Variants in MACF1 observed in about 807,000 individuals in gnomAD.
The protein encoded by MACF1 is microtubule actin crosslinking factor 1.
MACF1 carries 193 observed loss-of-function variants against 854.8 expected under a neutral mutation model. The observed-to-expected ratio is 0.23, with a 90% CI of 0.20 to 0.25. The LOEUF is 0.25. MACF1 is among the 10% of genes least tolerant of loss of function. The pLI, the probability that MACF1 is intolerant of heterozygous loss-of-function variation, is 1.00. For missense variants in MACF1, 7,722 were observed against 8,929.1 expected, an observed-to-expected ratio of 0.86 and a Z score of 5.45; for synonymous variants, 3,185 against 3,226.7, an observed-to-expected ratio of 0.99 and a Z score of 0.44.
chr1:39,404,275 A>T (rs1176975232), intron 58 of MACF1, among the ~76,000 whole-genome samples: 1 of 151,984 alleles, frequency 6.6e-6, no homozygotes, highest in Non-Finnish European at 1.5e-5. Flanking sequence ...GCATCACTTA[A>T]GCTCAGACAA....
chr1:39,268,457 G>T, intron 6 of MACF1: 1 of 1,102,826 alleles, frequency 9.1e-7, no homozygotes, highest in Non-Finnish European at 1.1e-6. Context: ...TTTCTGAACT[G>T]CAGTGAGATG....
intron 44 of MACF1, among the ~76,000 whole-genome samples, chr1:39,355,109 C>G (rs1274712208): frequency 6.6e-6 from 1 of 152,128 alleles, no homozygotes; most frequent in African/African-American, 2.4e-5. Flanking sequence ...TGTTCAGTGG[C>G]CTTTGTGGAC....
Position 39,334,706 on chromosome 1 carries a change from A to T in MACF1, c.8118A>T (p.Ser2706=), listed in dbSNP as rs144923218. Residue 2706 remains serine, a synonymous_variant, in exon 37 of 101, where the codon TCA becomes TCT. Coordinates refer to ENST00000564288, the MANE Select transcript of MACF1 (RefSeq NM_001394062.1). ...TATGKRLTLA[S]ALEEKLVDEN... ...CTGGAAAAAGACTGACATTGGCATC[A>T]GCTTTGGAAGAGAAACTGGTGGATG... 6.2e-7 allele frequency: 1 copy of T among 1,614,144 alleles called. No homozygotes were observed. The highest frequency in any genetic ancestry group is 1.7e-5 in the Admixed American group (1 of 60,016).
intron 2 of MACF1, among the ~76,000 whole-genome samples, chr1:39,236,575 C>G (rs939431097): frequency 2.6e-5 from 4 of 152,186 alleles, no homozygotes; most frequent in Non-Finnish European, 1.5e-5. Context: ...GCTATATTAT[C>G]ACTGGAGGGC....
chr1:39,274,435 A>G (rs1393904270), intron 6 of MACF1, among the ~76,000 whole-genome samples: 1 of 152,180 alleles, frequency 6.6e-6, no homozygotes, highest in Non-Finnish European at 1.5e-5. Context: ...TGTAATGAAC[A>G]TGTACAGACT....
At chr1:39,294,977 C>A in intron 18 of MACF1, 69 bp from the exon 19 acceptor site, 2 of 1,159,446 alleles carry the variant, frequency 1.7e-6, no homozygotes, top group South Asian at 1.3e-5. Flanking sequence ...GGGAACACAG[C>A]TTTTATTTAT....
chr1:39,336,245 T>C lies in MACF1; in HGVS notation c.9657T>C (p.Asp3219=). The C allele has an allele frequency of 6.2e-7, 1 of 1,614,082 alleles. No homozygotes were observed. The highest frequency in any genetic ancestry group is 8.5e-7 in the Non-Finnish European group (1 of 1,180,012). ...ATCATCAGGGCAGCAAAAGTGATGA[T>C]AAACTTTGTGGAACTCTCAAATCTG... ...DLHHQGSKSD[D]KLCGTLKSEI... The change falls in exon 37 of 101, where the codon GAT becomes GAC. Residue 3219 remains aspartate, a synonymous_variant. Coordinates refer to ENST00000564288, the MANE Select transcript of MACF1 (RefSeq NM_001394062.1).
chr1:39,179,303 A>G (rs182924141), intron 2 of MACF1, among the ~76,000 whole-genome samples: 1 of 152,158 alleles, frequency 6.6e-6, no homozygotes, highest in East Asian at 1.9e-4. Context: ...GGTGGGACTT[A>G]GCTGCCCTTC....
intron 66 of MACF1, among the ~76,000 whole-genome samples, chr1:39,431,678 A>G (rs1192783885): frequency 6.6e-6 from 1 of 152,182 alleles, no homozygotes; most frequent in Non-Finnish European, 1.5e-5. Context: ...GAGATAAAAG[A>G]CTGGAGAGGT....
At position 39,331,791 on chromosome 1, in the gene MACF1, G is replaced by C. The variant is rs1257619121; in HGVS notation, c.5203G>C (p.Gly1735Arg). ...ATTACTGCCTGTCAAACAATTGGCA[G>C]GGGGGATGGTGAGCTTGAAATCAGG... ...FKLLPVKQLAGGMVSLKSGRK... is the reference protein window; with the variant it reads ...FKLLPVKQLARGMVSLKSGRK... Residue 1735 changes from glycine to arginine, a missense_variant, in exon 37 of 101, where the codon GGG (glycine) becomes CGG (arginine). By Grantham distance (125) the Gly-to-Arg change is moderately radical. Coordinates refer to ENST00000564288, the MANE Select transcript of MACF1 (RefSeq NM_001394062.1). 6.2e-7 allele frequency: 1 copy of C among 1,614,126 alleles called. No homozygotes were observed. Among genetic ancestry groups the C allele is most frequent in the Admixed American group, 1.7e-5 (1 of 60,004 alleles).
At chr1:39,277,022 C>T (rs1219730333) in intron 6 of MACF1, among the ~76,000 whole-genome samples, 1 of 151,890 alleles carries the variant, frequency 6.6e-6, no homozygotes, top group Non-Finnish European at 1.5e-5. Context: ...GGAATATAAT[C>T]TCCTAATTTG....
chr1:39,228,346 T>C (rs754308373), intron 1 of MACF1, among the ~76,000 whole-genome samples: 6 of 152,060 alleles, frequency 3.9e-5, no homozygotes, highest in Non-Finnish European at 8.8e-5. Context: ...ACGAGGTGGA[T>C]TTTAAAGAAT....
chr1:39,325,684 C>A (rs952884399), intron 35 of MACF1, among the ~76,000 whole-genome samples: 1 of 152,078 alleles, frequency 6.6e-6, no homozygotes. Context: ...TTGGGACCAC[C>A]TTTTTTCTGA....
At chr1:39,413,987 C>T in intron 58 of MACF1, 1 of 1,607,672 alleles carries the variant, frequency 6.2e-7, no homozygotes. Context: ...CCAGAGGAGC[C>T]CACCTCCCCA....
intron 56 of MACF1, among the ~76,000 whole-genome samples, chr1:39,383,524 C>T (rs992339310): frequency 3.3e-5 from 5 of 152,208 alleles, no homozygotes; most frequent in South Asian, 4.1e-4. Context: ...ATCACATTAA[C>T]GTAAGTAACA....
At chr1:39,408,937 G>GCCGGGC (rs912556085) in intron 58 of MACF1, among the ~76,000 whole-genome samples, 7 of 149,030 alleles carry the variant, frequency 4.7e-5, no homozygotes, top group African/African-American at 1.7e-4. Context: ...CCCCGCCCCC[G>GCCGGGC]CCGGGCCCCG....
intron 2 of MACF1, among the ~76,000 whole-genome samples, chr1:39,242,153 G>T (rs956436601): frequency 2.0e-5 from 3 of 152,070 alleles, no homozygotes; most frequent in Non-Finnish European, 4.4e-5. Context: ...TTCAAGACCA[G>T]CCTGGCCAAC....
At chr1:39,427,688 GCAT>G in intron 62 of MACF1, 74 bp downstream of exon 62, 1 of 1,428,426 alleles carries the variant, frequency 7.0e-7, no homozygotes, top group Non-Finnish European at 9.6e-7. Context: ...ACTGCCTGCA[GCAT>G]TCTAGAGGAT....
intron 97 of MACF1, among the ~76,000 whole-genome samples, chr1:39,472,109 T>TCC (rs1644790021): frequency 6.6e-6 from 1 of 152,164 alleles, no homozygotes; most frequent in South Asian, 2.1e-4. Context: ...TCTGGTTCTG[T>TCC]AGGTTCAATG....
Sources: allele counts gnomAD v4.1 joint callset (sites outside exome capture counted in the v4.1 genomes callset), GRCh38; gene constraint gnomAD v4.1.1; transcripts MANE v1.5; gene names NCBI Gene and HGNC (gene_info 2026-07-23, HGNC 2026-07-21).